NDC1: variants seen among roughly 807,000 people sequenced by gnomAD.
NDC1 encodes the protein nucleoporin NDC1.
NDC1 carries 24 observed loss-of-function variants against 89.8 expected under a neutral mutation model. That is an observed-to-expected ratio of 0.27 (90% CI 0.19 to 0.38). NDC1 has a LOEUF of 0.38. Ranked by LOEUF, NDC1 falls within the 10% of genes least tolerant of loss-of-function variation. NDC1 has a pLI of 1.00. For synonymous variants in NDC1, 296 were observed against 284.8 expected, an observed-to-expected ratio of 1.04 and a Z score of -0.39; for missense variants, 728 against 797.6, an observed-to-expected ratio of 0.91 and a Z score of 1.05.
intron 7 of NDC1, 66 bp from the exon 8 acceptor site, chr1:53,807,857 G>C: frequency 7.1e-7 from 1 of 1,415,552 alleles, no homozygotes. Context: ...ACACACTTAA[G>C]TCTCCACATT....
At chr1:53,833,417 T>G (rs1213680019) in intron 2 of NDC1, among the ~76,000 whole-genome samples, 1 of 152,188 alleles carries the variant, frequency 6.6e-6, no homozygotes, top group African/African-American at 2.4e-5. Flanking sequence ...ATTACAGGTA[T>G]GAGCCATCAC....
intron 17 of NDC1, among the ~76,000 whole-genome samples, chr1:53,769,288 T>C (rs1279550641): frequency 6.6e-6 from 1 of 152,154 alleles, no homozygotes; most frequent in African/African-American, 2.4e-5. Context: ...GGTCAAAGGA[T>C]AGAAAGTTGC....
chr1:53,770,434 G>A (rs1441993055), intron 17 of NDC1, among the ~76,000 whole-genome samples: 2 of 152,046 alleles, frequency 1.3e-5, no homozygotes, highest in East Asian at 3.9e-4. Context: ...AGCCTCTGGA[G>A]TAGCTGGGAT....
chr1:53,806,922 T>A (rs555541490), intron 8 of NDC1, among the ~76,000 whole-genome samples: 3 of 152,284 alleles, frequency 2.0e-5, no homozygotes, highest in African/African-American at 7.2e-5. Flanking sequence ...AATCATTTCT[T>A]TAATATAAAT....
At chr1:53,824,061 C>A (rs564122912) in intron 5 of NDC1, among the ~76,000 whole-genome samples, 4 of 151,578 alleles carry the variant, frequency 2.6e-5, no homozygotes, top group African/African-American at 9.7e-5. Context: ...CATAGCTAGA[C>A]CCCACTCTAC....
At position 53,806,522 on chromosome 1, in the gene NDC1, C is replaced by G. The variant is rs760757256; in HGVS notation, c.892-5G>C. Reference sequence around the variant, plus strand: ...TTGAACAGGAAACACATGAGCCTATCAAATAAATTAAAAACCAAAAATGAT... The same window carrying G: ...TTGAACAGGAAACACATGAGCCTATGAAATAAATTAAAAACCAAAAATGAT... On this transcript the variant is annotated splice_polypyrimidine_tract_variant and splice_region_variant and intron_variant, in intron 8 of 17. Transcript: ENST00000371429. 2.1e-6 allele frequency: 3 copies of G among 1,460,640 alleles called. No homozygotes were observed. The highest frequency in any genetic ancestry group is 2.6e-5 in the East Asian group (1 of 38,656). The allele number at this position is 1,460,640 out of a possible 1,614,324, so 90.5% of individuals were successfully genotyped here.
chr1:53,809,671 T>C lies in NDC1; in HGVS notation c.755+24A>G, dbSNP rs1371616156. On this transcript the variant is annotated intron_variant, in intron 7 of 17. Coordinates refer to ENST00000371429, the MANE Select transcript of NDC1 (RefSeq NM_018087.5). ...TAAAAGAATGGAAACAGAGTTAAAA[T>C]TAGACTTTTTAGGTATCACTTACTC... The C allele has an allele frequency of 2.6e-6, 4 of 1,541,416 alleles. No homozygotes were observed. In the Admixed American group the frequency reaches 5.1e-5, roughly 20 times the overall value.
At chr1:53,799,107 C>A (rs61774809) in intron 11 of NDC1, among the ~76,000 whole-genome samples, 4,397 of 152,302 alleles carry the variant, frequency 0.029, 95 homozygotes, top group Middle Eastern at 0.044. Flanking sequence ...ATTCAAAATT[C>A]TCCAATGGCT....
intron 16 of NDC1, among the ~76,000 whole-genome samples, chr1:53,779,150 T>C (rs930878897): frequency 2.1e-5 from 3 of 143,594 alleles, no homozygotes; most frequent in Admixed American, 6.9e-5. Flanking sequence ...AAAATTGTCA[T>C]GTAACATAGG....
chr1:53,828,230 A>T (rs1011819552), intron 3 of NDC1, 57 bp from the exon 4 acceptor site: 7 of 1,487,750 alleles, frequency 4.7e-6, no homozygotes, highest in Non-Finnish European at 6.5e-6. Flanking sequence ...CAGTTAGAGG[A>T]TCTAAACTAT....
chr1:53,828,003 T>C lies in NDC1; in HGVS notation c.451A>G (p.Asn151Asp), dbSNP rs1648927452. ...GAAATATATATTTAATATTACCTGTTAGTACCAGTGCAGGGAACCACAAGA... is the reference window on the plus strand; with the variant it reads ...GAAATATATATTTAATATTACCTGTCAGTACCAGTGCAGGGAACCACAAGA... ...SFLVVPCTGTNSFGSPAAQTC... is the reference protein window; with the variant it reads ...SFLVVPCTGTDSFGSPAAQTC... Residue 151 changes from asparagine (N) to aspartate (D), a missense_variant, in exon 4 of 18, where the codon AAC (asparagine) becomes GAC (aspartate). Physicochemically the swap from Asn to Asp is conservative, Grantham distance 23. Coordinates refer to ENST00000371429, the MANE Select transcript of NDC1 (RefSeq NM_018087.5). The C allele has an allele frequency of 3.1e-6, 5 of 1,605,856 alleles. No individual in the cohort carries two copies. Among genetic ancestry groups the C allele is most frequent in the Middle Eastern group, 3.3e-4 (2 of 6,060 alleles).
At chr1:53,817,207 C>A (rs999843166) in intron 6 of NDC1, among the ~76,000 whole-genome samples, 9 of 152,162 alleles carry the variant, frequency 5.9e-5, no homozygotes, top group African/African-American at 2.2e-4. Context: ...TATAGCAGCA[C>A]AATTCACAAT....
At chr1:53,825,959 T>C in intron 4 of NDC1, 23 bp from the exon 5 acceptor site, 1 of 1,608,852 alleles carries the variant, frequency 6.2e-7, no homozygotes, top group South Asian at 1.1e-5. Flanking sequence ...AATTAAGTTA[T>C]TAATTCAACA....
chr1:53,834,180 G>A (rs768281732), intron 2 of NDC1, among the ~76,000 whole-genome samples: 5 of 152,244 alleles, frequency 3.3e-5, no homozygotes, highest in Non-Finnish European at 7.3e-5. Context: ...AACCTGCAGA[G>A]AAAGTGTGAT....
At chr1:53,795,662 C>A (rs115916161) in intron 13 of NDC1, among the ~76,000 whole-genome samples, 1 of 152,224 alleles carries the variant, frequency 6.6e-6, no homozygotes, top group South Asian at 2.1e-4. Flanking sequence ...CATACCTAGA[C>A]CTTGACCACA....
At chr1:53,827,966 G>A (rs1648926503) in intron 4 of NDC1, 33 bp downstream of exon 4, 2 of 1,521,010 alleles carry the variant, frequency 1.3e-6, no homozygotes, top group Non-Finnish European at 1.8e-6. Context: ...GTAAGTAAAT[G>A]AGATTCCTAA....
At chr1:53,778,592 T>C (rs1365695060) in intron 16 of NDC1, among the ~76,000 whole-genome samples, 1 of 146,150 alleles carries the variant, frequency 6.8e-6, no homozygotes. Flanking sequence ...GTCTCTTTAT[T>C]AAAAAAGAAA....
chr1:53,773,468 A>G (rs1391187756), intron 16 of NDC1, among the ~76,000 whole-genome samples: 1 of 151,992 alleles, frequency 6.6e-6, no homozygotes, highest in Non-Finnish European at 1.5e-5. Context: ...TTCCAAGCTG[A>G]TTTTCCCCCT....
chr1:53,811,056 G>A lies in NDC1; in HGVS notation c.704-1310C>T, dbSNP rs372103951. Among the ~76,000 whole-genome samples the A allele has an allele frequency of 3.9e-5, 6 of 152,288 alleles. No homozygotes were observed. In the East Asian group the frequency reaches 1.2e-3, roughly 29 times the overall value. The stretch of plus-strand genomic sequence containing the variant: ...TGGGAGAAGTTTCTGACCTTACCTG[G>A]AGCTGAACCAGTTTAGAGAGTCAAG... On this transcript the variant is annotated intron_variant, in intron 6 of 17. Transcript: ENST00000371429.
Sources: allele counts gnomAD v4.1 joint callset (sites outside exome capture counted in the v4.1 genomes callset), GRCh38; gene constraint gnomAD v4.1.1; transcripts MANE v1.5; gene names NCBI Gene and HGNC (gene_info 2026-07-23, HGNC 2026-07-21).